The following TNIP3 variants were observed in gnomAD, a reference collection of about 807,000 sequenced individuals.
TNIP3 encodes the protein TNFAIP3-interacting protein 3.
Under a neutral mutation model 54.1 loss-of-function variants are expected in TNIP3, and 34 were observed. That is an observed-to-expected ratio of 0.63 (90% confidence interval 0.48 to 0.84). The LOEUF (loss-of-function observed/expected upper bound fraction) is 0.84, where lower values mean the gene tolerates loss of function less well. TNIP3 is among the 40% of genes least tolerant of loss of function. The pLI, the probability that TNIP3 is intolerant of heterozygous loss-of-function variation, is 0.00. For missense variants in TNIP3, 366 were observed against 387.6 expected (o/e 0.94, Z 0.47); for synonymous variants, 134 against 136.8 (o/e 0.98, Z 0.14).
intron 5 of TNIP3, chr4:121,154,189 G>A (rs1729938325): frequency 3.5e-6 from 1 of 283,240 alleles, no homozygotes; most frequent in African/African-American, 2.3e-5. Context: ...TCATTTTAAA[G>A]AGCAGTTTGT....
chr4:121,158,771 G>T lies in TNIP3; in HGVS notation c.148-19C>A. 1 of 1,597,386 alleles carries T rather than the reference G, an allele frequency of 6.3e-7. No individual in the cohort carries two copies. The highest frequency in any genetic ancestry group is 8.5e-7 in the Non-Finnish European group (1 of 1,172,928). On this transcript the variant is annotated intron_variant, in intron 2 of 10. Transcript: ENST00000057513. ...CCAGGAGCTGAAATCATTAAAATTT[G>T]GTGAATCAACAAAGAATTTCTGCCC...
chr4:121,181,688 T>C (rs1025939852), intron 3 of TNIP3, among the ~76,000 whole-genome samples: 2 of 151,396 alleles, frequency 1.3e-5, no homozygotes, highest in African/African-American at 4.8e-5. Context: ...TGCTAAGAGA[T>C]GGTCTCTATA....
At chr4:121,200,838 C>T (rs1047779463) in intron 2 of TNIP3, among the ~76,000 whole-genome samples, 13 of 152,166 alleles carry the variant, frequency 8.5e-5, no homozygotes, top group Non-Finnish European at 1.8e-4. Context: ...GTCCTCTGTT[C>T]AGGCTCTGTT....
intron 3 of TNIP3, among the ~76,000 whole-genome samples, chr4:121,180,980 G>T (rs1047324332): frequency 2.0e-5 from 3 of 152,244 alleles, no homozygotes; most frequent in Non-Finnish European, 4.4e-5. Context: ...GCTGCCCTTT[G>T]CCTGGAAGTG....
In TNIP3 at chr4:121,145,899, C is replaced by T. The variant is rs148323872; in HGVS notation, c.735+1150G>A. 2.9e-3 allele frequency among the ~76,000 whole-genome samples: 439 copies of T among 151,374 alleles called. 2 individuals are homozygous for T. The highest frequency in any genetic ancestry group is 0.011 in the South Asian group (52 of 4,796). On this transcript the variant is annotated intron_variant, in intron 7 of 10. Coordinates refer to ENST00000057513, the MANE Select transcript of TNIP3 (RefSeq NM_024873.6). ...GGCTGAGGCAGGAGACTAGCTTGAACCTGGGAGGTGGAGGTTGCGGTGAGC... is the reference window on the plus strand; with the variant it reads ...GGCTGAGGCAGGAGACTAGCTTGAATCTGGGAGGTGGAGGTTGCGGTGAGC...
chr4:121,136,151 T>A (rs376064167), intron 10 of TNIP3, among the ~76,000 whole-genome samples: 8 of 152,226 alleles, frequency 5.3e-5, no homozygotes, highest in African/African-American at 1.2e-4. Context: ...ATAACATATT[T>A]ATTACACACT....
chr4:121,134,900 C>G (rs148129635), intron 10 of TNIP3, among the ~76,000 whole-genome samples: 2 of 152,332 alleles, frequency 1.3e-5, no homozygotes, highest in Non-Finnish European at 2.9e-5. Context: ...AGTCCCTGCC[C>G]AGGTGATTCT....
intron 2 of TNIP3, among the ~76,000 whole-genome samples, chr4:121,209,086 A>C (rs1726336575): frequency 6.6e-6 from 1 of 152,250 alleles, no homozygotes; most frequent in African/African-American, 2.4e-5. Context: ...GGAGATTTGG[A>C]AAGCTTCCTG....
intron 6 of TNIP3, 67 bp downstream of exon 6, chr4:121,150,036 T>C: frequency 1.1e-6 from 1 of 934,392 alleles, no homozygotes; most frequent in South Asian, 1.5e-5. Flanking sequence ...CATCTAAAAA[T>C]GCCCAAAGAA....
chr4:121,181,009 G>A (rs910110005), intron 3 of TNIP3, among the ~76,000 whole-genome samples: 16 of 152,192 alleles, frequency 1.1e-4, no homozygotes, highest in Non-Finnish European at 2.4e-4. Context: ...AGGAGAATGA[G>A]CAAATTTCCT....
Position 121,132,613 on chromosome 4 carries a change from C to T in TNIP3, c.*18G>A, listed in dbSNP as rs779481377. ...CGCTCCCTCGTTGCCTGTTGTCTCT[C>T]TCTGTTAGTGTGTACTTCTACGGAT... On this transcript the variant is annotated 3_prime_UTR_variant, in exon 11 of 11. Transcript: ENST00000057513. 2 of 1,612,222 alleles carry T rather than the reference C, an allele frequency of 1.2e-6. No homozygotes were observed.
chr4:121,147,884 T>A (rs1297042773), intron 6 of TNIP3, among the ~76,000 whole-genome samples: 2 of 152,236 alleles, frequency 1.3e-5, no homozygotes, highest in Admixed American at 1.3e-4. Context: ...GTTTATCAAT[T>A]TTATTGTTCT....
intron 1 of TNIP3, among the ~76,000 whole-genome samples, chr4:121,222,815 T>TTC (rs909671791): frequency 6.9e-6 from 1 of 144,990 alleles, no homozygotes. Context: ...TTTTTTTTTT[T>TTC]TTTTTTTTGA....
At chr4:121,154,007 A>G (rs1044450385) in intron 5 of TNIP3, among the ~76,000 whole-genome samples, 10 of 152,052 alleles carry the variant, frequency 6.6e-5, no homozygotes, top group Non-Finnish European at 1.3e-4. Flanking sequence ...AACAACACAC[A>G]CACACACACA....
chr4:121,187,709 T>C (rs1427666948), intron 2 of TNIP3, among the ~76,000 whole-genome samples: 1 of 152,214 alleles, frequency 6.6e-6, no homozygotes, highest in Non-Finnish European at 1.5e-5. Flanking sequence ...AGATAAGATA[T>C]AGGGATCAGG....
upstream of TNIP3, among the ~76,000 whole-genome samples, chr4:121,166,371 T>C (rs1223086390): frequency 6.6e-6 from 1 of 152,220 alleles, no homozygotes; most frequent in Non-Finnish European, 1.5e-5. Context: ...TAAGAATTAA[T>C]TGGGTCTTTT....
At chr4:121,203,963 AT>A in intron 2 of TNIP3, among the ~76,000 whole-genome samples, 1 of 148,632 alleles carries the variant, frequency 6.7e-6, no homozygotes, top group Non-Finnish European at 1.5e-5. Context: ...ATATATATAT[AT>A]TTTAAATTAA....
rs1477136937 is a variant in TNIP3 at position 121,147,768 on chromosome 4, GATT to G, written c.610-597_610-595del. Among the ~76,000 whole-genome samples, 6 of 152,214 alleles carry G rather than the reference GATT, an allele frequency of 3.9e-5. No homozygotes were observed. In the East Asian group the frequency reaches 7.7e-4, roughly 20 times the overall value. On this transcript the variant is annotated intron_variant, in intron 6 of 10. Transcript: ENST00000057513. ...AGTAAAAACATTCCTCTAAGATTCTGATTTAAATTACTACTTATATTGGAACCT... is the reference window on the plus strand; with the variant it reads ...AGTAAAAACATTCCTCTAAGATTCTGTAAATTACTACTTATATTGGAACCT...
chr4:121,167,918 C>T (rs1312154436), upstream of TNIP3, among the ~76,000 whole-genome samples: 1 of 152,020 alleles, frequency 6.6e-6, no homozygotes, highest in Non-Finnish European at 1.5e-5. Flanking sequence ...TAATAGTTAC[C>T]TCCTTCTTCA....
Sources: allele counts gnomAD v4.1 joint callset (sites outside exome capture counted in the v4.1 genomes callset), GRCh38; gene constraint gnomAD v4.1.1; transcripts MANE v1.5; gene names NCBI Gene and HGNC (gene_info 2026-07-23, HGNC 2026-07-21).